Variants in MKLN1 observed in about 807,000 individuals in gnomAD.
MKLN1 encodes muskelin 1.
MKLN1 carries 18 observed loss-of-function variants against 99.0 expected under a neutral mutation model. That is an observed-to-expected ratio of 0.18 (90% CI 0.13 to 0.27). MKLN1 has a LOEUF of 0.27. Among genes scored for constraint, MKLN1 ranks in the 10% least tolerant of loss-of-function variants. The pLI, the probability that MKLN1 is intolerant of heterozygous loss-of-function variation, is 1.00. For missense variants in MKLN1, 621 were observed against 875.9 expected, an observed-to-expected ratio of 0.71 and a Z score of 3.67; for synonymous variants, 288 against 293.2, an observed-to-expected ratio of 0.98 and a Z score of 0.18.
At chr7:131,216,454 T>A in intron 3 of MKLN1, among the ~76,000 whole-genome samples, 1 of 151,786 alleles carries the variant, frequency 6.6e-6, no homozygotes, top group East Asian at 1.9e-4. Context: ...AAAGAAAGTT[T>A]ATTATATTTG....
chr7:131,480,914 G>A (rs1462748843), intron 17 of MKLN1, among the ~76,000 whole-genome samples: 1 of 152,108 alleles, frequency 6.6e-6, no homozygotes, highest in East Asian at 1.9e-4. Context: ...GAATTTCTTG[G>A]CAGCAATTTA....
In MKLN1 at chr7:131,495,424, AC is replaced by A. The variant is rs1238855127; in HGVS notation, c.*7697del. ...ATGTTAAATATCTTATATGGGACTT[AC>A]GATAAAATGTATTGATGTTAGTGAT... is the stretch of plus-strand genomic sequence containing the variant. On this transcript the variant is annotated 3_prime_UTR_variant, in exon 18 of 18. Transcript: ENST00000352689. 6.6e-6 allele frequency: 1 copy of A among 152,200 alleles called. No individual in the cohort carries two copies. Among genetic ancestry groups the A allele is most frequent in the African/African-American group, 2.4e-5 (1 of 41,452 alleles). The allele number at this position is 152,200 out of a possible 1,614,324, so 9.4% of individuals were successfully genotyped here. A position where few individuals can be genotyped will look rare whatever the true frequency, so the allele number is the denominator to read the frequency against.
At chr7:131,283,914 T>G (rs750057092) in intron 3 of MKLN1, among the ~76,000 whole-genome samples, 3 of 152,204 alleles carry the variant, frequency 2.0e-5, no homozygotes, top group Non-Finnish European at 2.9e-5. Context: ...CATTGTGATT[T>G]GGAGATTTAT....
At chr7:131,215,908 C>T (rs556862691) in intron 3 of MKLN1, among the ~76,000 whole-genome samples, 19 of 152,168 alleles carry the variant, frequency 1.2e-4, no homozygotes, top group African/African-American at 4.6e-4. Flanking sequence ...GGGATAGGGG[C>T]TCTCAGTCTA....
At chr7:131,161,959 GTGTGTATATATATATATATATATATA>G (rs1207549034) in intron 2 of MKLN1, among the ~76,000 whole-genome samples, 2 of 67,800 alleles carry the variant, frequency 2.9e-5, no homozygotes, top group African/African-American at 5.1e-5. Flanking sequence ...ACGTGTGTGT[GTGTGTATATATATATATATATATATA>G]TATATATATA....
intron 3 of MKLN1, among the ~76,000 whole-genome samples, chr7:131,265,829 G>A (rs1373052202): frequency 6.6e-6 from 1 of 152,114 alleles, no homozygotes; most frequent in Non-Finnish European, 1.5e-5. Flanking sequence ...TGGGGAGAGT[G>A]GGGGCCTGAG....
At chr7:131,217,470 G>A (rs1474561606) in intron 3 of MKLN1, among the ~76,000 whole-genome samples, 1 of 152,202 alleles carries the variant, frequency 6.6e-6, no homozygotes, top group African/African-American at 2.4e-5. Context: ...GGCTGAGGCA[G>A]GCAGATCACC....
Position 131,234,053 on chromosome 7 carries a change from C to T in MKLN1, c.-179+31079C>T, listed in dbSNP as rs1049404720. On this transcript the variant is annotated intron_variant, in intron 3 of 7. Coordinates refer to the MKLN1 transcript ENST00000416992. ...AGAGTGCAAAGGCATGATCTTGGCT[C>T]ACTGCAACCTCCACTTCCCGGGTTC... 9.9e-5 allele frequency among the ~76,000 whole-genome samples: 15 copies of T among 152,110 alleles called. 1 individual carries two copies. The highest frequency in any genetic ancestry group is 9.2e-4 in the Admixed American group (14 of 15,258).
chr7:131,297,230 G>A (rs1473830388), intron 3 of MKLN1, among the ~76,000 whole-genome samples: 2 of 152,046 alleles, frequency 1.3e-5, no homozygotes, highest in Admixed American at 1.3e-4. Context: ...GTGTGGTGGC[G>A]TGCGCCTGTA....
intron 3 of MKLN1, among the ~76,000 whole-genome samples, chr7:131,302,109 C>T (rs1357675519): frequency 6.6e-6 from 1 of 152,172 alleles, no homozygotes; most frequent in Non-Finnish European, 1.5e-5. Context: ...TGGTATTTGG[C>T]CTGTGGCCTT....
intron 12 of MKLN1, among the ~76,000 whole-genome samples, chr7:131,451,639 T>C (rs1271077742): frequency 6.6e-6 from 1 of 152,202 alleles, no homozygotes; most frequent in Non-Finnish European, 1.5e-5. Context: ...AAATTATAAT[T>C]TAAATCAATG....
intron 3 of MKLN1, among the ~76,000 whole-genome samples, chr7:131,247,992 G>A (rs561414038): frequency 4.6e-5 from 7 of 152,114 alleles, no homozygotes; most frequent in African/African-American, 9.6e-5. Context: ...GTGAACTCTC[G>A]GGCTCGAGCA....
intron 4 of MKLN1, among the ~76,000 whole-genome samples, 186 bp downstream of exon 4, chr7:131,389,158 G>A (rs1794120501): frequency 6.6e-6 from 1 of 152,082 alleles, no homozygotes; most frequent in Admixed American, 6.5e-5. Context: ...GACTTGAGTA[G>A]TTGCAAGAGA....
At position 131,478,722 on chromosome 7, in the gene MKLN1, T is replaced by C. The variant is rs760636267; in HGVS notation, c.2086+45T>C. On this transcript the variant is annotated intron_variant, in intron 17 of 17. Coordinates refer to ENST00000352689, the MANE Select transcript of MKLN1 (RefSeq NM_013255.5). ...TTATCCAGCTAGATGCCCTAGCATT[T>C]GGAAGGTTGGATTTTGGTTTCTTTT... 4 of 1,604,112 alleles carry C rather than the reference T, an allele frequency of 2.5e-6. No homozygotes were observed. The African/African-American group carries it at 4.0e-5, about 16-fold the overall frequency.
rs147661072 is a variant in MKLN1 at position 131,476,720 on chromosome 7, T to G, written c.2032-1903T>G. Reference sequence around the variant, plus strand: ...GTTTGGTCTTTGTTGTTGTTGTCATTGAGGAAATAGACAAACTACTATAAA... The same window carrying G: ...GTTTGGTCTTTGTTGTTGTTGTCATGGAGGAAATAGACAAACTACTATAAA... On this transcript the variant is annotated intron_variant, in intron 16 of 17. Transcript: ENST00000352689. 5.1e-4 allele frequency among the ~76,000 whole-genome samples: 77 copies of G among 152,318 alleles called. 1 individual carries two copies. The East Asian group carries it at 0.015, about 29-fold the overall frequency.
At chr7:131,305,631 A>C (rs1253370258) in intron 3 of MKLN1, among the ~76,000 whole-genome samples, 1 of 152,134 alleles carries the variant, frequency 6.6e-6, no homozygotes, top group Non-Finnish European at 1.5e-5. Flanking sequence ...TTACCATCCA[A>C]TCTAAAAATT....
intron 3 of MKLN1, among the ~76,000 whole-genome samples, chr7:131,292,775 T>G (rs1349970010): frequency 6.6e-6 from 1 of 152,224 alleles, no homozygotes; most frequent in Non-Finnish European, 1.5e-5. Context: ...GAGTACTTTG[T>G]TACCATAGCT....
At chr7:131,384,999 GTCCACAAAGAAACTTCATAT>G (rs1793965971) in intron 2 of MKLN1, among the ~76,000 whole-genome samples, 1 of 152,064 alleles carries the variant, frequency 6.6e-6, no homozygotes, top group Non-Finnish European at 1.5e-5. Context: ...TATTTTCATT[GTCCACAAAGAAACTTCATAT>G]ACCCAGTAAG....
chr7:131,183,955 C>T (rs1422591670), intron 2 of MKLN1, among the ~76,000 whole-genome samples: 1 of 151,464 alleles, frequency 6.6e-6, no homozygotes, highest in Non-Finnish European at 1.5e-5. Context: ...GTGGAGGCCA[C>T]CGAGGAAATT....
Sources: allele counts gnomAD v4.1 joint callset (sites outside exome capture counted in the v4.1 genomes callset), GRCh38; gene constraint gnomAD v4.1.1; transcripts MANE v1.5; gene names NCBI Gene and HGNC (gene_info 2026-07-23, HGNC 2026-07-21).